Variants in TDRD9 observed in about 807,000 individuals in gnomAD.
The protein encoded by TDRD9 is ATP-dependent RNA helicase TDRD9.
Under a neutral mutation model 172.6 loss-of-function variants are expected in TDRD9, and 124 were observed. The ratio of observed to expected loss-of-function variants is 0.72; its 90% confidence interval spans 0.62 to 0.83. The LOEUF (loss-of-function observed/expected upper bound fraction) is 0.83. TDRD9 is among the 40% of genes least tolerant of loss of function. TDRD9 has a pLI of 0.00. For synonymous variants in TDRD9, 619 were observed against 617.1 expected (o/e 1.00, Z -0.05); for missense variants, 1,479 against 1,714.1 (o/e 0.86, Z 2.42).
rs76761167 is a variant in TDRD9 at position 104,033,964 on chromosome 14, G to A, written c.3514G>A (p.Val1172Ile). 0.023 allele frequency: 35,639 copies of A among 1,546,794 alleles called. 525 individuals carry two copies. The highest frequency in any genetic ancestry group is 0.029 in the Non-Finnish European group (32,857 of 1,142,336). The change falls in exon 31 of 36, where the codon GTT (valine) becomes ATT (isoleucine). Residue 1172 changes from valine (V) to isoleucine (I), a missense_variant. By Grantham distance (29) the Val-to-Ile change is conservative. Around this residue, in one of 3 missense-constraint regions of TDRD9, gnomAD observed 1,413 missense variants for 1,649.1 expected, o/e 0.86. Transcript: ENST00000409874. ...CCTGGTGCTCCTGCCTTTTAGGTGT[G>A]TTTGGATTGAGAAGGAGAGCATCAA... ...SLTRISKFRC[V>I]WIEKESINSV...
chr14:103,941,526 G>GT (rs1566726304), intron 1 of TDRD9: 3 of 1,535,196 alleles, frequency 2.0e-6, no homozygotes, highest in Non-Finnish European at 2.6e-6. Context: ...ATCCACACCT[G>GT]TTTTTTTCAC....
chr14:103,937,518 T>C (rs998546514), intron 1 of TDRD9, among the ~76,000 whole-genome samples: 3 of 152,140 alleles, frequency 2.0e-5, no homozygotes, highest in Non-Finnish European at 4.4e-5. Context: ...TTTTTAACCT[T>C]CTCCAAGTAC....
intron 1 of TDRD9, among the ~76,000 whole-genome samples, chr14:103,935,306 G>A (rs949536499): frequency 4.6e-5 from 7 of 152,228 alleles, no homozygotes; most frequent in African/African-American, 1.7e-4. Flanking sequence ...GATGTGGGGT[G>A]TGGTAAGCAA....
intron 24 of TDRD9, among the ~76,000 whole-genome samples, chr14:104,023,184 CAAAAAAAAAAA>C (rs10661391): frequency 5.3e-4 from 34 of 64,456 alleles, no homozygotes; most frequent in African/African-American, 1.7e-3. Context: ...GACTCCGTCT[CAAAAAAAAAAA>C]AAAAAAAAAA....
chr14:103,966,605 A>G, intron 4 of TDRD9, 104 bp from the exon 5 acceptor site: 2 of 1,139,510 alleles, frequency 1.8e-6, no homozygotes, highest in East Asian at 5.2e-5. Flanking sequence ...ATCTTTCGAA[A>G]TACCTTAATT....
At chr14:103,982,423 T>C (rs991653822) in intron 7 of TDRD9, among the ~76,000 whole-genome samples, 3 of 152,166 alleles carry the variant, frequency 2.0e-5, no homozygotes, top group African/African-American at 7.2e-5. Flanking sequence ...TTAGGAGAGC[T>C]CTAGGTAAGT....
At chr14:104,049,364 C>G in intron 34 of TDRD9, 1 of 287,448 alleles carries the variant, frequency 3.5e-6, no homozygotes. Flanking sequence ...GTGCTGGTTG[C>G]TAAGGGAACA....
chr14:103,951,487 G>A (rs1348240489), intron 1 of TDRD9, among the ~76,000 whole-genome samples: 5 of 152,122 alleles, frequency 3.3e-5, no homozygotes, highest in African/African-American at 9.7e-5. Context: ...AATTATAATC[G>A]GCATTGTACA....
intron 15 of TDRD9, 140 bp from the exon 16 acceptor site, chr14:104,006,242 TGGTAACA>T: frequency 1.6e-6 from 1 of 635,858 alleles, no homozygotes; most frequent in Non-Finnish European, 2.6e-6. Context: ...AAGTTTTTTT[TGGTAACA>T]TATCAACCTT....
At chr14:103,936,169 C>G (rs760863254) in intron 1 of TDRD9, among the ~76,000 whole-genome samples, 1 of 152,144 alleles carries the variant, frequency 6.6e-6, no homozygotes, top group Non-Finnish European at 1.5e-5. Context: ...GCAGCCTTGA[C>G]GTGGGCTCAA....
intron 7 of TDRD9, among the ~76,000 whole-genome samples, chr14:103,984,364 C>A (rs544957463): frequency 6.6e-6 from 1 of 152,176 alleles, no homozygotes; most frequent in African/African-American, 2.4e-5. Context: ...AAAGTGGTTT[C>A]GTGGGCCAGG....
chr14:104,006,945 C>G, intron 18 of TDRD9, 100 bp downstream of exon 18: 2 of 1,131,040 alleles, frequency 1.8e-6, no homozygotes, highest in Non-Finnish European at 2.6e-6. Flanking sequence ...AATGTTTTAT[C>G]TAGTGAAAGT....
At chr14:103,930,031 C>T (rs2030269543) in intron 1 of TDRD9, among the ~76,000 whole-genome samples, 1 of 152,112 alleles carries the variant, frequency 6.6e-6, no homozygotes, top group African/African-American at 2.4e-5. Context: ...AGAGGAAAGA[C>T]GTAGATTTGG....
rs1366094210 is a variant in TDRD9, at chr14:103,952,190, G to GTGTGTATATA, written c.216-3473_216-3472insGTGTATATAT. On this transcript the variant is annotated intron_variant, in intron 1 of 35. Coordinates refer to ENST00000409874, the MANE Select transcript of TDRD9 (RefSeq NM_153046.3). ...TGTATATATGTGTGTGCGTGTGTGT[G>GTGTGTATATA]TATATATATATATATATATATATAT... 4.2e-3 allele frequency among the ~76,000 whole-genome samples: 232 copies of GTGTGTATATA among 55,498 alleles called. 2 individuals carry two copies. Among genetic ancestry groups the GTGTGTATATA allele is most frequent in the South Asian group, 0.013 (19 of 1,506 alleles). 36.4% of individuals were successfully genotyped at this position (55,498 alleles called of 152,430 possible).
chr14:103,946,786 A>G (rs1019691198), intron 1 of TDRD9, among the ~76,000 whole-genome samples: 8 of 152,244 alleles, frequency 5.3e-5, no homozygotes, highest in African/African-American at 1.7e-4. Flanking sequence ...TTACAAAACT[A>G]TTCTATTGGT....
chr14:103,941,817 G>T, intron 1 of TDRD9: 2 of 703,284 alleles, frequency 2.8e-6, no homozygotes, highest in Non-Finnish European at 4.6e-6. Flanking sequence ...TTCACATTTA[G>T]CTATGCAGGT....
At chr14:103,961,388 C>G (rs1011412222) in intron 2 of TDRD9, among the ~76,000 whole-genome samples, 26 of 151,938 alleles carry the variant, frequency 1.7e-4, no homozygotes, top group Admixed American at 5.9e-4. Flanking sequence ...CATGGTGAAA[C>G]CCCATCTCTA....
chr14:103,957,473 A>G (rs1004347716), intron 2 of TDRD9, among the ~76,000 whole-genome samples: 9 of 152,246 alleles, frequency 5.9e-5, no homozygotes, highest in African/African-American at 1.4e-4. Flanking sequence ...CTCTGGTCCA[A>G]TTTCTACTTA....
chr14:104,039,945 A>G (rs550046432), intron 32 of TDRD9, among the ~76,000 whole-genome samples: 82 of 152,340 alleles, frequency 5.4e-4, no homozygotes, highest in African/African-American at 1.8e-3. Flanking sequence ...TATCTACCAC[A>G]TTAGAAACTT....
Sources: gnomAD v4.1 joint callset for allele counts (sites outside exome capture counted in the v4.1 genomes callset) on GRCh38, gnomAD v4.1.1 for gene constraint, gnomAD v4.1.1 regional missense constraint, MANE v1.5 for transcripts, NCBI Gene and HGNC (gene_info 2026-07-23, HGNC 2026-07-21) for gene names.